The following MALRD1 variants were observed in gnomAD, a reference collection of about 807,000 sequenced individuals.
MALRD1 encodes MAM and LDL-receptor class A domain-containing protein 1.
A neutral mutation model predicts 242.1 loss-of-function variants in MALRD1; 247 were observed. That is an observed-to-expected ratio of 1.02 (90% CI 0.92 to 1.13). The LOEUF (loss-of-function observed/expected upper bound fraction) is 1.13. Among genes scored for constraint, MALRD1 ranks in the 50% most tolerant of loss-of-function variants. The pLI is 0.00. For missense variants in MALRD1, 2,989 were observed against 2,533.1 expected, an observed-to-expected ratio of 1.18 and a Z score of -3.86; for synonymous variants, 995 against 866.6, an observed-to-expected ratio of 1.15 and a Z score of -2.60.
intron 36 of MALRD1, among the ~76,000 whole-genome samples, chr10:19,649,302 G>T (rs1199954759): frequency 6.6e-6 from 1 of 152,270 alleles, no homozygotes; most frequent in Admixed American, 6.5e-5. Flanking sequence ...AGCTCCTTGA[G>T]GAATCACCAC....
chr10:19,184,694 A>C (rs1835661784), intron 14 of MALRD1, among the ~76,000 whole-genome samples: 1 of 151,914 alleles, frequency 6.6e-6, no homozygotes, highest in Non-Finnish European at 1.5e-5. Context: ...ACTACAGGTG[A>C]GCACCACCGT....
intron 36 of MALRD1, among the ~76,000 whole-genome samples, chr10:19,656,079 C>T (rs1360471474): frequency 6.6e-6 from 1 of 152,028 alleles, no homozygotes; most frequent in African/African-American, 2.4e-5. Flanking sequence ...AAAACAATGC[C>T]AGTATATAGT....
intron 18 of MALRD1, among the ~76,000 whole-genome samples, chr10:19,254,202 G>A (rs1001439895): frequency 9.2e-5 from 14 of 151,970 alleles, no homozygotes; most frequent in Admixed American, 7.2e-4. Context: ...GGCATAAAAG[G>A]AGCTGATAAA....
At chr10:19,537,430 T>C (rs1280084569) in intron 32 of MALRD1, among the ~76,000 whole-genome samples, 2 of 152,112 alleles carry the variant, frequency 1.3e-5, no homozygotes, top group East Asian at 3.9e-4. Flanking sequence ...GGCTGGCAAG[T>C]TTGGTGTCTT....
Position 19,327,588 on chromosome 10 carries a change from C to T in MALRD1, c.3602C>T (p.Thr1201Ile). 3.9e-6 allele frequency: 6 copies of T among 1,549,784 alleles called. No homozygotes were observed. The highest frequency in any genetic ancestry group is 1.4e-5 in the African/African-American group (1 of 73,126). ...GTGCTCATCAAGAAAGATAACGTTA[C>T]TTCTAAATTGTGGGCTCAAACTGGA... ...LQVLIKKDNV[T>I]SKLWAQTGQQ... The change falls in exon 23 of 40, where the codon ACT becomes ATT. Residue 1201 changes from threonine to isoleucine, a missense_variant. By Grantham distance (89) the Thr-to-Ile change is moderately conservative (BLOSUM62 -1). Coordinates refer to ENST00000454679, the MANE Select transcript of MALRD1 (RefSeq NM_001142308.3).
At position 19,637,411 on chromosome 10, in the gene MALRD1, G is replaced by T. The variant is rs78678522; in HGVS notation, c.6137+21488G>T. Among the ~76,000 whole-genome samples the T allele has an allele frequency of 2.8e-4, 43 of 152,238 alleles. No individual in the cohort carries two copies. The East Asian group carries it at 6.2e-3, about 22-fold the overall frequency. ...AAGTATAGATTAATCTTAAATCAAA[G>T]TAAATTATTAGAAAATCAAGTTGAT... On this transcript the variant is annotated intron_variant, in intron 36 of 39. Transcript: ENST00000454679.
chr10:19,710,928 A>G (rs772475685), intron 38 of MALRD1: 1 of 152,218 alleles, frequency 6.6e-6, no homozygotes, highest in Non-Finnish European at 1.5e-5. Context: ...ATGGCTCTTA[A>G]AAGAGGTGAC....
At chr10:19,678,318 A>G (rs1197857619) in intron 36 of MALRD1, among the ~76,000 whole-genome samples, 2 of 152,098 alleles carry the variant, frequency 1.3e-5, no homozygotes, top group East Asian at 3.9e-4. Context: ...ATGTCTTACC[A>G]TTTGTTTGTG....
At chr10:19,528,129 A>G (rs1050819901) in intron 31 of MALRD1, among the ~76,000 whole-genome samples, 9 of 152,180 alleles carry the variant, frequency 5.9e-5, no homozygotes, top group Non-Finnish European at 1.2e-4. Flanking sequence ...ACTGTGTTCA[A>G]TTTTCCTAAC....
chr10:19,142,171 CAAAAA>C (rs529000033), intron 10 of MALRD1, among the ~76,000 whole-genome samples: 2 of 26,274 alleles, frequency 7.6e-5, no homozygotes, highest in African/African-American at 3.4e-4. Context: ...GACTCTAACT[CAAAAA>C]AAAAAAAAAA....
At chr10:19,078,975 AT>A (rs1165902115) in intron 2 of MALRD1, among the ~76,000 whole-genome samples, 1 of 150,944 alleles carries the variant, frequency 6.6e-6, no homozygotes, top group Non-Finnish European at 1.5e-5. Context: ...TTGTTTCTTA[AT>A]TTTTTTATTG....
At chr10:19,648,177 G>C (rs182864800) in intron 36 of MALRD1, among the ~76,000 whole-genome samples, 35 of 152,278 alleles carry the variant, frequency 2.3e-4, no homozygotes, top group Middle Eastern at 3.4e-3. Flanking sequence ...AAATGAAAGA[G>C]AAATACTAGA....
intron 36 of MALRD1, among the ~76,000 whole-genome samples, chr10:19,674,531 A>G (rs1332991025): frequency 2.0e-5 from 3 of 152,154 alleles, no homozygotes; most frequent in Admixed American, 6.5e-5. Context: ...CCAGCAATTC[A>G]TTGCTCATTC....
Position 19,146,186 on chromosome 10 carries a change from T to C in MALRD1, c.1412-12T>C. On this transcript the variant is annotated splice_polypyrimidine_tract_variant and intron_variant, in intron 10 of 39. Coordinates refer to ENST00000454679, the MANE Select transcript of MALRD1 (RefSeq NM_001142308.3). ...ATTTCTCCTCACCTGTTTTCTCTTC[T>C]ACGTGTAACAGCAAAGCATCTCACC... The C allele has an allele frequency of 8.1e-7, 1 of 1,231,618 alleles. No homozygotes were observed. The highest frequency in any genetic ancestry group is 1.0e-6 in the Non-Finnish European group (1 of 987,880). The allele number at this position is 1,231,618 out of a possible 1,614,324, so 76.3% of individuals were successfully genotyped here.
At chr10:19,350,794 C>T (rs116745042) in intron 25 of MALRD1, among the ~76,000 whole-genome samples, 95 of 152,218 alleles carry the variant, frequency 6.2e-4, no homozygotes, top group African/African-American at 2.0e-3. Context: ...AAGGAGAAGT[C>T]CCTGTTTGTA....
chr10:19,154,520 T>G (rs1834060963), intron 11 of MALRD1, among the ~76,000 whole-genome samples: 1 of 152,172 alleles, frequency 6.6e-6, no homozygotes, highest in South Asian at 2.1e-4. Flanking sequence ...CTGAGAGATG[T>G]TATCCCCTGC....
At chr10:19,163,899 C>T (rs1404428725) in intron 12 of MALRD1, among the ~76,000 whole-genome samples, 3 of 152,204 alleles carry the variant, frequency 2.0e-5, no homozygotes, top group Non-Finnish European at 2.9e-5. Flanking sequence ...ATTAAAATAA[C>T]TTCACACTGG....
chr10:19,406,714 T>G (rs1039086004), intron 28 of MALRD1, among the ~76,000 whole-genome samples: 3 of 152,016 alleles, frequency 2.0e-5, no homozygotes, highest in South Asian at 2.1e-4. Flanking sequence ...TAAAAATAAA[T>G]AAATAAATAA....
chr10:19,397,886 G>A (rs1379438616), intron 28 of MALRD1, among the ~76,000 whole-genome samples: 1 of 150,804 alleles, frequency 6.6e-6, no homozygotes, highest in African/African-American at 2.4e-5. Context: ...GTTTTGATTT[G>A]TATTTCCCTG....
Sources: gnomAD v4.1 joint callset for allele counts (sites outside exome capture counted in the v4.1 genomes callset) on GRCh38, gnomAD v4.1.1 for gene constraint, MANE v1.5 for transcripts, NCBI Gene and HGNC (gene_info 2026-07-23, HGNC 2026-07-21) for gene names.